The following MUC5AC variants were observed in gnomAD, a reference collection of about 807,000 sequenced individuals.
The protein encoded by MUC5AC is mucin 5AC, oligomeric mucus/gel-forming.
In MUC5AC, 158 loss-of-function variants were observed where a neutral mutation model predicts 169.7. That is an observed-to-expected ratio of 0.93 (90% CI 0.82 to 1.06). The LOEUF (loss-of-function observed/expected upper bound fraction) is 1.06. Ranked by LOEUF, MUC5AC falls within the 50% of genes least tolerant of loss-of-function variation. MUC5AC has a pLI of 0.00. For missense variants in MUC5AC, 4,359 were observed against 3,089.9 expected, an observed-to-expected ratio of 1.41 and a Z score of -9.74; for synonymous variants, 1,975 against 1,237.0, an observed-to-expected ratio of 1.60 and a Z score of -12.52.
chr11:1,161,718 G>A lies in MUC5AC; in HGVS notation c.211+132G>A. 2.3e-6 allele frequency: 3 copies of A among 1,296,794 alleles called. No homozygotes were observed. In the Admixed American group the frequency reaches 7.8e-5, roughly 34 times the overall value. 80.3% of individuals were successfully genotyped at this position (1,296,794 alleles called of 1,614,324 possible). On this transcript the variant is annotated intron_variant, in intron 3 of 48. Transcript: ENST00000621226. ...ACACTGGGTGGGTATTGGAGCCAGA[G>A]GGCCCAGCATCTCCCTGCACACGTT...
chr11:1,185,086 C>T lies in MUC5AC; in HGVS notation c.6941C>T (p.Thr2314Ile). The change falls in exon 31 of 49, where the codon ACC (threonine) becomes ATC (isoleucine). Residue 2314 changes from threonine to isoleucine, a missense_variant. By Grantham distance (89) the Thr-to-Ile change is moderately conservative. Transcript: ENST00000621226. ...PGNTPSPVPT[T>I]STISAPTTSI... ...AATACTCCCAGCCCTGTTCCTACCA[C>T]CAGCACAATCTCTGCTCCTACAACT... The T allele has an allele frequency of 1.4e-6, 1 of 716,164 alleles. No homozygotes were observed. The highest frequency in any genetic ancestry group is 2.6e-6 in the Non-Finnish European group (1 of 391,686). The allele number at this position is 716,164 out of a possible 1,614,324, so 44.4% of individuals were successfully genotyped here.
intron 15 of MUC5AC, among the ~76,000 whole-genome samples, chr11:1,170,989 T>C (rs1315102250): frequency 0.015 from 365 of 23,676 alleles, no homozygotes; most frequent in Middle Eastern, 0.038. Flanking sequence ...CCCACTCACC[T>C]ACTCACTCAC....
In MUC5AC at chr11:1,173,790, G is replaced by A. The variant is rs1387554245; in HGVS notation, c.1966-706G>A. Among the ~76,000 whole-genome samples, 443 of 105,678 alleles carry A rather than the reference G, an allele frequency of 4.2e-3. 3 individuals are homozygous for A. Among genetic ancestry groups the A allele is most frequent in the African/African-American group, 0.014 (375 of 27,050 alleles). 69.3% of individuals were successfully genotyped at this position (105,678 alleles called of 152,430 possible). On this transcript the variant is annotated intron_variant, in intron 16 of 48. Coordinates refer to ENST00000621226, the MANE Select transcript of MUC5AC (RefSeq NM_001304359.2). ...CACTCACTCACTCATCCACTCACTC[G>A]CTCATTCCCTCATTCATTCCTTCAC...
intron 44 of MUC5AC, 43 bp from the exon 45 acceptor site, chr11:1,199,044 A>G (rs765590443): frequency 2.6e-6 from 2 of 762,994 alleles, no homozygotes; most frequent in South Asian, 2.7e-5. Context: ...CTTGGGGGGC[A>G]GCGGTCGCCT....
Position 1,199,469 on chromosome 11 carries a change from C to A in MUC5AC, c.16494C>A (p.Cys5498Ter). 1 of 719,790 alleles carries A rather than the reference C, an allele frequency of 1.4e-6. No homozygotes were observed. Among genetic ancestry groups the A allele is most frequent in the African/African-American group, 1.7e-5 (1 of 57,976 alleles). The allele number at this position is 719,790 out of a possible 1,614,324, so 44.6% of individuals were successfully genotyped here. A position where few individuals can be genotyped will look rare whatever the true frequency, so the allele number is the denominator to read the frequency against. Residue 5498 changes from cysteine to a stop codon, truncating the protein, a stop_gained, in exon 46 of 49, where the codon TGC becomes TGA. Transcript: ENST00000621226. LOFTEE classifies it high-confidence loss of function. ...GLVVVTTKKA[C>*]PPLSCSLDEA... ...TGGTGGTCACCACGAAGAAGGCGTGCCCCCCGCTCAGCTGTTCTCTGGTGA... is the reference window on the plus strand; with the variant it reads ...TGGTGGTCACCACGAAGAAGGCGTGACCCCCGCTCAGCTGTTCTCTGGTGA...
Position 1,190,157 on chromosome 11 carries a change from C to T in MUC5AC, c.12012C>T (p.Ala4004=), listed in dbSNP as rs1245475341. The change falls in exon 31 of 49, where the codon GCC becomes GCT. Residue 4004 remains alanine (A), a synonymous_variant. Transcript: ENST00000621226. ...PEEITRLQCR[A]ESHPEVSIEH... is the part of the protein sequence containing the mutation. ...AGATCACCAGGCTCCAGTGCCGAGC[C>T]GAGAGCCACCCGGAGGTGAGCATCG... The T allele has an allele frequency of 3.9e-5, 30 of 764,664 alleles. No homozygotes were observed. Among genetic ancestry groups the T allele is most frequent in the Admixed American group, 1.9e-4 (11 of 58,920 alleles). The allele number at this position is 764,664 out of a possible 1,614,324, so 47.4% of individuals were successfully genotyped here.
chr11:1,187,963 C>T lies in MUC5AC; in HGVS notation c.9818C>T (p.Ala3273Val). The T allele has an allele frequency of 1.3e-6, 1 of 756,216 alleles. No individual in the cohort carries two copies. Among genetic ancestry groups the T allele is most frequent in the South Asian group, 1.4e-5 (1 of 73,804 alleles). The allele number at this position is 756,216 out of a possible 1,614,324, so 46.8% of individuals were successfully genotyped here. The change falls in exon 31 of 49, where the codon GCC (alanine) becomes GTC (valine). Residue 3273 changes from alanine (A) to valine (V), a missense_variant. Ala to Val is a moderately conservative substitution (Grantham distance 64). Transcript: ENST00000621226. Reference sequence around the variant, plus strand: ...GAGATCACCAGGCTCCAGTGCCGAGCCGAGAGCCACCCGGAGGTGAGCATT... The same window carrying T: ...GAGATCACCAGGCTCCAGTGCCGAGTCGAGAGCCACCCGGAGGTGAGCATT... ...PEEITRLQCR[A>V]ESHPEVSIEH...
At chr11:1,166,136 TC>T (rs1456007664) in intron 11 of MUC5AC, among the ~76,000 whole-genome samples, 1 of 150,844 alleles carries the variant, frequency 6.6e-6, no homozygotes, top group East Asian at 2.0e-4. Flanking sequence ...AAACACACAG[TC>T]TCTCCCAGAG....
rs1239729926 is a variant in MUC5AC at position 1,192,229 on chromosome 11, G to A, written c.14084G>A (p.Cys4695Tyr). The A allele has an allele frequency of 1.3e-6, 1 of 765,004 alleles. No individual in the cohort carries two copies. Among genetic ancestry groups the A allele is most frequent in the African/African-American group, 1.7e-5 (1 of 59,136 alleles). The allele number at this position is 765,004 out of a possible 1,614,324, so 47.4% of individuals were successfully genotyped here. A position where few individuals can be genotyped will look rare whatever the true frequency, so the allele number is the denominator to read the frequency against. The change falls in exon 31 of 49, where the codon TGC becomes TAC. Residue 4695 changes from cysteine (C) to tyrosine (Y), a missense_variant. Physicochemically the swap from Cys to Tyr is radical, Grantham distance 194. Transcript: ENST00000621226. ...NIEHLGQVVQ[C>Y]SREEGLVCRN... The stretch of plus-strand genomic sequence containing the variant: ...GAACACCTGGGTCAGGTGGTGCAGT[G>A]CAGCCGTGAAGAGGGCCTGGTGTGC...
chr11:1,160,546 G>T (rs1421467646), intron 1 of MUC5AC, 66 bp from the exon 2 acceptor site: 35 of 1,396,610 alleles, frequency 2.5e-5, no homozygotes, highest in Non-Finnish European at 3.1e-5. Flanking sequence ...TGCTGCATCT[G>T]TGGCCGCAGC....
Position 1,199,474 on chromosome 11 carries a change from C to A in MUC5AC, c.16499C>A (p.Pro5500Gln). The A allele has an allele frequency of 1.4e-6, 1 of 717,342 alleles. No individual in the cohort carries two copies. Among genetic ancestry groups the A allele is most frequent in the Non-Finnish European group, 2.5e-6 (1 of 393,302 alleles). The allele number at this position is 717,342 out of a possible 1,614,324, so 44.4% of individuals were successfully genotyped here. Reference protein sequence around the residue: ...VVVTTKKACPPLSCSLDEARM... With the variant: ...VVVTTKKACPQLSCSLDEARM... Reference sequence around the variant, plus strand: ...GTCACCACGAAGAAGGCGTGCCCCCCGCTCAGCTGTTCTCTGGTGAGGTCC... The same window carrying A: ...GTCACCACGAAGAAGGCGTGCCCCCAGCTCAGCTGTTCTCTGGTGAGGTCC... Residue 5500 changes from proline (P) to glutamine (Q), a missense_variant, in exon 46 of 49, where the codon CCG becomes CAG. Physicochemically the swap from Pro to Gln is moderately conservative, Grantham distance 76. Transcript: ENST00000621226.
At position 1,162,079 on chromosome 11, in the gene MUC5AC, A is replaced by G. The variant is rs1327242694; in HGVS notation, c.384A>G (p.Ser128=). ...TCCAGCTACGCCGCAGCCAGGAGTC[A>G]GCGGCCCCCACGCTGAGCAGGGTCC... The part of the protein sequence containing the change: ...FNIQLRRSQE[S]AAPTLSRVLM... Residue 128 remains serine, a synonymous_variant, in exon 4 of 49, where the codon TCA becomes TCG. Coordinates refer to ENST00000621226, the MANE Select transcript of MUC5AC (RefSeq NM_001304359.2). 1.9e-6 allele frequency: 3 copies of G among 1,612,586 alleles called. No homozygotes were observed. The highest frequency in any genetic ancestry group is 2.2e-5 in the South Asian group (2 of 91,038).
rs374084571 is a variant in MUC5AC, at chr11:1,200,587, G to A, written c.16850G>A (p.Arg5617Gln). 47 of 764,394 alleles carry A rather than the reference G, an allele frequency of 6.1e-5. No homozygotes were observed. Among genetic ancestry groups the A allele is most frequent in the Admixed American group, 1.4e-4 (8 of 58,960 alleles). The allele number at this position is 764,394 out of a possible 1,614,324, so 47.4% of individuals were successfully genotyped here. ...GTGGAAGAGTGCGGCTGCATGGGCC[G>A]GCGGTGCCCTGCGCCGGGCGACACC... is the stretch of plus-strand genomic sequence containing the variant. ...TEVEECGCMG[R>Q]RCPAPGDTQH... is the part of the protein sequence containing the mutation. The change falls in exon 49 of 49, where the codon CGG becomes CAG. Residue 5617 changes from arginine (R) to glutamine (Q), a missense_variant. Physicochemically the swap from Arg to Gln is conservative, Grantham distance 43. Coordinates refer to ENST00000621226, the MANE Select transcript of MUC5AC (RefSeq NM_001304359.2).
At chr11:1,163,562 C>T (rs1346591874) in intron 6 of MUC5AC, among the ~76,000 whole-genome samples, 1 of 152,188 alleles carries the variant, frequency 6.6e-6, no homozygotes, top group Non-Finnish European at 1.5e-5. Context: ...GGGAGGTGTT[C>T]AGGCTCCAGC....
At chr11:1,180,230 C>G (rs1267828403) in intron 27 of MUC5AC, 80 bp downstream of exon 27, 1 of 398,514 alleles carries the variant, frequency 2.5e-6, no homozygotes, top group East Asian at 3.6e-5. Context: ...GCCTCTGTGG[C>G]CCCAGCTTCC....
chr11:1,162,820 G>A (rs943288515), intron 5 of MUC5AC, 135 bp from the exon 6 acceptor site: 1 of 1,023,976 alleles, frequency 9.8e-7, no homozygotes, highest in Non-Finnish European at 1.5e-6. Context: ...CGGGGTCTGT[G>A]CCCCCAGGAT....
At chr11:1,174,058 C>T (rs1860617708) in intron 16 of MUC5AC, among the ~76,000 whole-genome samples, 2 of 152,276 alleles carry the variant, frequency 1.3e-5, no homozygotes, top group African/African-American at 4.8e-5. Flanking sequence ...CACTTATTCC[C>T]TCATTCGTTC....
Position 1,199,928 on chromosome 11 carries a change from C to G in MUC5AC, c.16659C>G (p.Arg5553=), listed in dbSNP as rs553196387. 5.2e-5 allele frequency: 40 copies of G among 764,444 alleles called. No homozygotes were observed. The Middle Eastern group carries it at 6.8e-4, about 13-fold the overall frequency. The allele number at this position is 764,444 out of a possible 1,614,324, so 47.4% of individuals were successfully genotyped here. The change falls in exon 48 of 49, where the codon CGC becomes CGG. Residue 5553 remains arginine (R), a synonymous_variant. Transcript: ENST00000621226. ...QQGCSSSEPV[R]LAYCRGNCGD... is the part of the protein sequence containing the mutation. ...GCTGCAGCTCCTCGGAGCCCGTGCG[C>G]CTGGCTTACTGCCGGGGGAACTGTG... is the stretch of plus-strand genomic sequence containing the variant.
intron 17 of MUC5AC, 37 bp from the exon 18 acceptor site, chr11:1,174,845 T>G: frequency 2.3e-6 from 1 of 425,688 alleles, no homozygotes; most frequent in Non-Finnish European, 4.2e-6. Flanking sequence ...TGCCGGGCTG[T>G]GTGTCCTGAG....
Sources: allele counts gnomAD v4.1 joint callset (sites outside exome capture counted in the v4.1 genomes callset), GRCh38; gene constraint gnomAD v4.1.1; transcripts MANE v1.5; gene names NCBI Gene and HGNC (gene_info 2026-07-23, HGNC 2026-07-21).